ANO4: variants seen among roughly 807,000 people sequenced by gnomAD.
ANO4 encodes anoctamin 4.
A neutral mutation model predicts 141.9 loss-of-function variants in ANO4; 69 were observed. That is an observed-to-expected ratio of 0.49 (90% CI 0.40 to 0.59). The LOEUF is 0.59. Among genes scored for constraint, ANO4 ranks in the 20% least tolerant of loss-of-function variants. The pLI is 0.00. For synonymous variants in ANO4, 350 were observed against 394.3 expected, an observed-to-expected ratio of 0.89 and a Z score of 1.33; for missense variants, 894 against 1,162.2, an observed-to-expected ratio of 0.77 and a Z score of 3.36.
chr12:100,961,240 G>T (rs771562375), intron 5 of ANO4, among the ~76,000 whole-genome samples: 12 of 152,130 alleles, frequency 7.9e-5, no homozygotes, highest in Admixed American at 2.0e-4. Flanking sequence ...GTGTTGTGAG[G>T]CAGATAAAAC....
At position 100,988,885 on chromosome 12, in the gene ANO4, AAAAG is replaced by A. The variant is rs1367372742; in HGVS notation, c.734+1223_734+1226del. ...GACTCTGTCTCAGAAAAAAAAAAAAAAAAGAAAGAAAAACAAAAAACGAAGGTAA... is the reference window on the plus strand; with the variant it reads ...GACTCTGTCTCAGAAAAAAAAAAAAAAAAGAAAAACAAAAAACGAAGGTAA... On this transcript the variant is annotated intron_variant, in intron 8 of 27. Transcript: ENST00000392977. 3.5e-4 allele frequency among the ~76,000 whole-genome samples: 42 copies of A among 119,920 alleles called. 6 individuals carry two copies. The highest frequency in any genetic ancestry group is 5.7e-4 in the African/African-American group (18 of 31,576). 78.7% of individuals were successfully genotyped at this position (119,920 alleles called of 152,430 possible).
intron 7 of ANO4, among the ~76,000 whole-genome samples, chr12:100,979,302 A>G (rs1276794556): frequency 1.3e-5 from 2 of 152,044 alleles, no homozygotes; most frequent in Non-Finnish European, 2.9e-5. Flanking sequence ...ATGTGTCAGG[A>G]TCATCTGGAG....
intron 1 of ANO4, among the ~76,000 whole-genome samples, chr12:100,844,072 A>C (rs947457715): frequency 1.3e-5 from 2 of 152,126 alleles, no homozygotes; most frequent in Admixed American, 6.6e-5. Context: ...TGGGCATTAG[A>C]ATTACAGAGG....
chr12:100,998,977 T>TG (rs1487769645), intron 8 of ANO4, among the ~76,000 whole-genome samples: 1 of 152,218 alleles, frequency 6.6e-6, no homozygotes, highest in Non-Finnish European at 1.5e-5. Flanking sequence ...AGGAGGAACC[T>TG]GGGGCACAGA....
intron 3 of ANO4, among the ~76,000 whole-genome samples, chr12:100,762,147 A>G (rs568394214): frequency 6.6e-6 from 1 of 152,328 alleles, no homozygotes; most frequent in South Asian, 2.1e-4. Context: ...AGTCATTTTT[A>G]TAAGGTGCTG....
chr12:101,101,377 G>A (rs2050179389), intron 22 of ANO4, among the ~76,000 whole-genome samples: 1 of 152,092 alleles, frequency 6.6e-6, no homozygotes, highest in Admixed American at 6.6e-5. Flanking sequence ...TTTTATTGCT[G>A]TATAGTATTC....
chr12:100,998,999 A>C (rs1339169809), intron 8 of ANO4, among the ~76,000 whole-genome samples: 1 of 152,192 alleles, frequency 6.6e-6, no homozygotes, highest in African/African-American at 2.4e-5. Context: ...GGGTTAAGTA[A>C]CTTATCCAAT....
At chr12:100,842,874 G>A (rs1232389619) in intron 1 of ANO4, among the ~76,000 whole-genome samples, 2 of 152,062 alleles carry the variant, frequency 1.3e-5, no homozygotes, top group Non-Finnish European at 2.9e-5. Flanking sequence ...ACTGTTGCAC[G>A]GAGGATTAAG....
At chr12:100,990,172 G>GA (rs200576526) in intron 8 of ANO4, among the ~76,000 whole-genome samples, 2 of 146,996 alleles carry the variant, frequency 1.4e-5, no homozygotes, top group African/African-American at 4.9e-5. Context: ...GTAAATGGAA[G>GA]AAAAAAATGA....
chr12:101,084,370 T>G (rs973431910), intron 16 of ANO4, among the ~76,000 whole-genome samples: 2 of 152,306 alleles, frequency 1.3e-5, no homozygotes, highest in South Asian at 4.1e-4. Flanking sequence ...TCATGTCAGT[T>G]TGAAAAACAG....
chr12:100,902,834 G>A (rs1041633798), intron 2 of ANO4, among the ~76,000 whole-genome samples: 2 of 152,190 alleles, frequency 1.3e-5, no homozygotes, highest in African/African-American at 4.8e-5. Flanking sequence ...GCCTCCCACT[G>A]TCTTTGACCA....
chr12:101,098,908 A>G (rs1295056221), intron 21 of ANO4, among the ~76,000 whole-genome samples: 1 of 152,054 alleles, frequency 6.6e-6, no homozygotes, highest in East Asian at 1.9e-4. Flanking sequence ...ATATCCTTCA[A>G]CTTTTTCCTT....
At chr12:101,120,114 G>A (rs1304684080) in intron 25 of ANO4, among the ~76,000 whole-genome samples, 1 of 152,046 alleles carries the variant, frequency 6.6e-6, no homozygotes, top group Non-Finnish European at 1.5e-5. Context: ...CCTCTCTGCT[G>A]TCTCTGCTTT....
At chr12:101,055,185 C>T (rs2048061081) in intron 14 of ANO4, among the ~76,000 whole-genome samples, 1 of 152,114 alleles carries the variant, frequency 6.6e-6, no homozygotes. Context: ...AGCCATTCAT[C>T]TTGGATGAAT....
At chr12:100,758,898 C>T (rs1292534355) in intron 3 of ANO4, among the ~76,000 whole-genome samples, 1 of 152,160 alleles carries the variant, frequency 6.6e-6, no homozygotes, top group Admixed American at 6.5e-5. Context: ...ACATGGCCTT[C>T]TCTTTGTGTC....
intron 1 of ANO4, among the ~76,000 whole-genome samples, chr12:100,821,731 T>A (rs576800114): frequency 1.3e-5 from 2 of 152,120 alleles, no homozygotes; most frequent in African/African-American, 2.4e-5. Context: ...ACGCCATAAT[T>A]TAGGTAAGCC....
chr12:101,037,027 T>A, intron 9 of ANO4, 68 bp from the exon 10 acceptor site: 1 of 1,483,644 alleles, frequency 6.7e-7, no homozygotes, highest in Non-Finnish European at 9.4e-7. Context: ...ACCACACTTA[T>A]ATTTGTTTTG....
intron 1 of ANO4, among the ~76,000 whole-genome samples, chr12:100,873,884 G>C (rs1049848085): frequency 6.6e-6 from 1 of 152,244 alleles, no homozygotes; most frequent in Non-Finnish European, 1.5e-5. Context: ...AGGCCTAGGA[G>C]GGAAGAGTGG....
chr12:100,908,322 C>T (rs767536045), intron 2 of ANO4, among the ~76,000 whole-genome samples: 4 of 152,060 alleles, frequency 2.6e-5, no homozygotes, highest in Non-Finnish European at 5.9e-5. Context: ...GCACTGCAGC[C>T]TGGGCAACGA....
Sources: allele counts gnomAD v4.1 joint callset (sites outside exome capture counted in the v4.1 genomes callset), GRCh38; gene constraint gnomAD v4.1.1; transcripts MANE v1.5; gene names NCBI Gene and HGNC (gene_info 2026-07-23, HGNC 2026-07-21).